The following UST variants were observed in gnomAD, a reference collection of about 807,000 sequenced individuals.
UST encodes uronyl 2-sulfotransferase, also known as chondroitin sulfate 2-O-sulfotransferase.
A neutral mutation model predicts 45.6 loss-of-function variants in UST; 21 were observed. The ratio of observed to expected loss-of-function variants is 0.46; its 90% confidence interval spans 0.33 to 0.66. The LOEUF is 0.66. UST is among the 30% of genes least tolerant of loss of function. The pLI, the probability that UST is intolerant of heterozygous loss-of-function variation, is 0.02. For synonymous variants in UST, 215 were observed against 200.6 expected (o/e 1.07, Z -0.61); for missense variants, 463 against 512.4 (o/e 0.90, Z 0.93).
At chr6:148,881,948 C>A (rs1746312902) in intron 1 of UST, among the ~76,000 whole-genome samples, 1 of 152,062 alleles carries the variant, frequency 6.6e-6, no homozygotes, top group African/African-American at 2.4e-5. Flanking sequence ...ATAGTTATAC[C>A]CTAGAAGAAG....
chr6:149,041,116 T>C (rs1305617989), intron 7 of UST, among the ~76,000 whole-genome samples: 1 of 152,198 alleles, frequency 6.6e-6, no homozygotes, highest in Non-Finnish European at 1.5e-5. Context: ...GCCATTTATT[T>C]AACAAACACT....
chr6:148,830,818 G>A (rs1002859750), intron 1 of UST, among the ~76,000 whole-genome samples: 7 of 152,132 alleles, frequency 4.6e-5, no homozygotes, highest in Non-Finnish European at 8.8e-5. Flanking sequence ...AGGAAATGGG[G>A]AGCTATTGTG....
intron 7 of UST, among the ~76,000 whole-genome samples, chr6:149,060,352 A>G (rs1776636241): frequency 6.6e-6 from 1 of 152,080 alleles, no homozygotes; most frequent in South Asian, 2.1e-4. Flanking sequence ...TGGTCTTAAC[A>G]TGCCATCGAT....
Position 148,970,579 on chromosome 6 carries a change from A to G in UST, c.681+6016A>G, listed in dbSNP as rs942484661. On this transcript the variant is annotated intron_variant, in intron 5 of 7. Coordinates refer to ENST00000367463, the MANE Select transcript of UST (RefSeq NM_005715.3). Reference sequence around the variant, plus strand: ...GCAGGAGAACTGTGGGAATGAAGACAAAAGGATTGCAGGCCAGTGAAGGCT... The same window carrying G: ...GCAGGAGAACTGTGGGAATGAAGACGAAAGGATTGCAGGCCAGTGAAGGCT... 2.6e-5 allele frequency among the ~76,000 whole-genome samples: 4 copies of G among 152,166 alleles called. No individual in the cohort carries two copies. In the East Asian group the frequency reaches 7.7e-4, roughly 29 times the overall value.
At chr6:148,819,263 T>TAA (rs139572437) in intron 1 of UST, among the ~76,000 whole-genome samples, 2 of 151,154 alleles carry the variant, frequency 1.3e-5, no homozygotes, top group African/African-American at 4.9e-5. Context: ...GTTTAAATGT[T>TAA]AAAAAAAAAC....
intron 1 of UST, among the ~76,000 whole-genome samples, chr6:148,850,053 C>T (rs548255153): frequency 1.3e-5 from 2 of 152,292 alleles, no homozygotes; most frequent in African/African-American, 4.8e-5. Context: ...TACTAATTCT[C>T]ACCTTGCTGG....
intron 2 of UST, among the ~76,000 whole-genome samples, chr6:148,936,549 T>C (rs535923126): frequency 2.8e-4 from 41 of 146,082 alleles, no homozygotes; most frequent in African/African-American, 1.0e-3. Context: ...ACAGGGTCAG[T>C]CCCTCCCTCC....
rs542225569 is a variant in UST at position 149,030,837 on chromosome 6, A to G, written c.937+9356A>G. 7.9e-5 allele frequency among the ~76,000 whole-genome samples: 12 copies of G among 152,218 alleles called. No individual in the cohort carries two copies. The South Asian group carries it at 2.5e-3, about 32-fold the overall frequency. On this transcript the variant is annotated intron_variant, in intron 7 of 7. Coordinates refer to ENST00000367463, the MANE Select transcript of UST (RefSeq NM_005715.3). ...ATAATTTTGAGAATAGATCTGTTTG[A>G]CAACACCTGACGTCTTTCCAGTGGG...
At chr6:148,965,053 G>C (rs1242570715) in intron 5 of UST, among the ~76,000 whole-genome samples, 1 of 152,128 alleles carries the variant, frequency 6.6e-6, no homozygotes, top group African/African-American at 2.4e-5. Context: ...GCGCAACTGC[G>C]ACCGACTGTT....
chr6:149,060,081 C>A (rs1260571235), intron 7 of UST, among the ~76,000 whole-genome samples: 2 of 152,196 alleles, frequency 1.3e-5, no homozygotes, highest in Non-Finnish European at 2.9e-5. Flanking sequence ...TCTCTTTCAT[C>A]AAAGGAACCT....
chr6:148,809,645 A>G (rs1777217849), intron 1 of UST, among the ~76,000 whole-genome samples: 1 of 152,196 alleles, frequency 6.6e-6, no homozygotes. Flanking sequence ...CTGAGGTATC[A>G]TTGTTTATAG....
At chr6:149,017,799 T>TATAC (rs956279478) in intron 5 of UST, among the ~76,000 whole-genome samples, 9 of 148,916 alleles carry the variant, frequency 6.0e-5, no homozygotes, top group Non-Finnish European at 1.0e-4. Context: ...TATCCATATA[T>TATAC]ACACACACAC....
intron 3 of UST, among the ~76,000 whole-genome samples, chr6:148,950,979 G>C (rs900833244): frequency 6.6e-6 from 1 of 152,242 alleles, no homozygotes; most frequent in Admixed American, 6.5e-5. Context: ...ACTTGGAGGG[G>C]TAGATATTTT....
At chr6:149,054,967 G>T (rs925011094) in intron 7 of UST, among the ~76,000 whole-genome samples, 1 of 152,092 alleles carries the variant, frequency 6.6e-6, no homozygotes, top group Non-Finnish European at 1.5e-5. Context: ...TAAGACTCAT[G>T]GTTTATCGCA....
At chr6:149,021,552 C>A in intron 7 of UST, 71 bp downstream of exon 7, 1 of 1,539,570 alleles carries the variant, frequency 6.5e-7, no homozygotes, top group Non-Finnish European at 8.9e-7. Context: ...TTGAAAAGGC[C>A]TCAGGAAATA....
intron 4 of UST, chr6:148,959,049 A>C (rs1370756664): frequency 1.3e-5 from 2 of 149,070 alleles, no homozygotes; most frequent in South Asian, 2.3e-4. Flanking sequence ...TAACTTGCAA[A>C]AACAAACAAA....
At chr6:148,893,870 C>T (rs1162155975) in intron 2 of UST, among the ~76,000 whole-genome samples, 3 of 152,074 alleles carry the variant, frequency 2.0e-5, no homozygotes, top group South Asian at 2.1e-4. Flanking sequence ...ACCTGGGATG[C>T]GGACAGGCAT....
chr6:148,765,493 C>G (rs1483508326), intron 1 of UST, among the ~76,000 whole-genome samples: 1 of 152,120 alleles, frequency 6.6e-6, no homozygotes, highest in African/African-American at 2.4e-5. Flanking sequence ...TTTTCTAATT[C>G]TGTGAAAAAT....
chr6:149,043,789 C>T lies in UST; in HGVS notation c.937+22308C>T, dbSNP rs140290191. Among the ~76,000 whole-genome samples the T allele has an allele frequency of 9.7e-4, 148 of 152,368 alleles. 1 individual carries two copies. Among genetic ancestry groups the T allele is most frequent in the South Asian group, 4.8e-3 (23 of 4,832 alleles). ...GTTGACTTCTGGCTCTGCCATGCTT[C>T]TATATTTCCACATTATAACATAGGA... On this transcript the variant is annotated intron_variant, in intron 7 of 7. Coordinates refer to ENST00000367463, the MANE Select transcript of UST (RefSeq NM_005715.3).
Sources: gnomAD v4.1 joint callset for allele counts (sites outside exome capture counted in the v4.1 genomes callset) on GRCh38, gnomAD v4.1.1 for gene constraint, MANE v1.5 for transcripts, NCBI Gene and HGNC (gene_info 2026-07-23, HGNC 2026-07-21) for gene names.